The following PDE1C variants were observed in gnomAD, a reference collection of about 807,000 sequenced individuals.
PDE1C encodes the protein phosphodiesterase 1C, also known as dual specificity calcium/calmodulin-dependent 3',5'-cyclic nucleotide phosphodiesterase 1C.
In PDE1C, 62 loss-of-function variants were observed where a neutral mutation model predicts 93.1. That is an observed-to-expected ratio of 0.67 (90% confidence interval 0.54 to 0.82). PDE1C has a LOEUF of 0.82. PDE1C is among the 40% of genes least tolerant of loss of function. The probability of loss-of-function intolerance (pLI) is 0.00; values close to 1 mark genes in which losing one functional copy is unlikely to be tolerated. For missense variants in PDE1C, 742 were observed against 884.6 expected, an observed-to-expected ratio of 0.84 and a Z score of 2.04; for synonymous variants, 325 against 310.1, an observed-to-expected ratio of 1.05 and a Z score of -0.50.
At chr7:32,379,741 G>T (rs979974578) in intron 1 of PDE1C, among the ~76,000 whole-genome samples, 1 of 152,194 alleles carries the variant, frequency 6.6e-6, no homozygotes, top group Non-Finnish European at 1.5e-5. Flanking sequence ...GCCCTGTCTG[G>T]TTTCTGATAA....
rs574788241 is a variant in PDE1C at position 31,766,248 on chromosome 7, G to T, written c.1960+9416C>A. Among the ~76,000 whole-genome samples, 74 of 152,128 alleles carry T rather than the reference G, an allele frequency of 4.9e-4. 1 individual carries two copies. The highest frequency in any genetic ancestry group is 1.7e-3 in the African/African-American group (70 of 41,496). ...AAATACAAAAAATTAGCCGGGTGTG[G>T]TGGCGGGCGACTGTAGTCCCAGCTA... On this transcript the variant is annotated intron_variant, in intron 17 of 17. Transcript: ENST00000396191.
intron 2 of PDE1C, among the ~76,000 whole-genome samples, chr7:31,973,883 A>G (rs1339377778): frequency 6.6e-6 from 1 of 152,220 alleles, no homozygotes; most frequent in Non-Finnish European, 1.5e-5. Context: ...ACCAAAATTG[A>G]CAAGGTCCTT....
At chr7:31,865,907 G>T (rs1323253362) in intron 6 of PDE1C, among the ~76,000 whole-genome samples, 3 of 152,094 alleles carry the variant, frequency 2.0e-5, no homozygotes, top group Non-Finnish European at 4.4e-5. Flanking sequence ...TGCATAGTAT[G>T]TATTCATTTA....
intron 2 of PDE1C, among the ~76,000 whole-genome samples, chr7:31,988,022 G>T (rs113052512): frequency 3.3e-5 from 5 of 152,328 alleles, no homozygotes; most frequent in African/African-American, 1.2e-4. Flanking sequence ...AGTAGAAAGG[G>T]AAGGAAGTTA....
chr7:31,650,035 A>T, the PDE1C span, among the ~76,000 whole-genome samples: 11 of 152,110 alleles, frequency 7.2e-5, no homozygotes, highest in African/African-American at 2.7e-4. Context: ...CATTAGACCA[A>T]CTGTGTTTGT....
At chr7:31,833,744 G>T (rs1790717490) in intron 11 of PDE1C, among the ~76,000 whole-genome samples, 1 of 152,176 alleles carries the variant, frequency 6.6e-6, no homozygotes, top group Non-Finnish European at 1.5e-5. Flanking sequence ...TAACTTGGGT[G>T]CTGTTAAAAG....
At chr7:32,122,447 A>C (rs964679445) in intron 3 of PDE1C, among the ~76,000 whole-genome samples, 10 of 152,204 alleles carry the variant, frequency 6.6e-5, no homozygotes, top group African/African-American at 2.2e-4. Flanking sequence ...ACTTATTCTA[A>C]AATCAACCAC....
At chr7:32,020,266 T>C (rs1788465367) in intron 2 of PDE1C, among the ~76,000 whole-genome samples, 1 of 152,242 alleles carries the variant, frequency 6.6e-6, no homozygotes, top group South Asian at 2.1e-4. Context: ...AAAGGCTATA[T>C]GTCAAGGACT....
intron 2 of PDE1C, among the ~76,000 whole-genome samples, chr7:31,926,362 C>T (rs1336700211): frequency 6.6e-6 from 1 of 152,198 alleles, no homozygotes; most frequent in East Asian, 1.9e-4. Context: ...TCACCCAGAT[C>T]CTAGCACAAA....
At chr7:32,320,199 A>G (rs2128073163) in intron 1 of PDE1C, among the ~76,000 whole-genome samples, 1 of 152,338 alleles carries the variant, frequency 6.6e-6, no homozygotes, top group Non-Finnish European at 1.5e-5. Context: ...TATGTGCAGT[A>G]TATTTTTACA....
the PDE1C span, among the ~76,000 whole-genome samples, chr7:31,706,246 C>T: frequency 6.6e-6 from 1 of 151,820 alleles, no homozygotes; most frequent in Admixed American, 6.6e-5. Flanking sequence ...CTCAGGCAAT[C>T]CACCCACCTT....
chr7:32,214,555 T>C (rs1488411515), intron 1 of PDE1C, among the ~76,000 whole-genome samples: 3 of 152,206 alleles, frequency 2.0e-5, no homozygotes, highest in African/African-American at 7.2e-5. Flanking sequence ...TAATAAATGG[T>C]GCAACTCCGT....
At chr7:32,084,343 T>C (rs1226620315) in intron 3 of PDE1C, among the ~76,000 whole-genome samples, 2 of 150,450 alleles carry the variant, frequency 1.3e-5, no homozygotes, top group Admixed American at 1.3e-4. Flanking sequence ...AGCACCCAGA[T>C]TCATAAAGCA....
intron 1 of PDE1C, among the ~76,000 whole-genome samples, chr7:32,363,193 G>A (rs970507303): frequency 2.0e-5 from 3 of 152,148 alleles, no homozygotes; most frequent in Non-Finnish European, 2.9e-5. Context: ...TTGTGACCAC[G>A]GCAAAATCAG....
At chr7:31,707,083 A>T in the PDE1C span, 1 of 807,138 alleles carries the variant, frequency 1.2e-6, no homozygotes, top group Non-Finnish European at 1.9e-6. Flanking sequence ...GTTAGCAGGT[A>T]ACCTTGTAGA....
chr7:32,273,468 T>C (rs1811093171), intron 1 of PDE1C, among the ~76,000 whole-genome samples: 1 of 152,222 alleles, frequency 6.6e-6, no homozygotes, highest in Admixed American at 6.5e-5. Flanking sequence ...CATCCCACTA[T>C]TTCTTTAGCC....
chr7:31,729,039 G>A, the PDE1C span, among the ~76,000 whole-genome samples: 1 of 152,090 alleles, frequency 6.6e-6, no homozygotes, highest in South Asian at 2.1e-4. Context: ...ACCTTAGGCA[G>A]GTGTCTTTAC....
At chr7:31,969,147 A>T (rs983019828) in intron 2 of PDE1C, among the ~76,000 whole-genome samples, 1 of 152,194 alleles carries the variant, frequency 6.6e-6, no homozygotes, top group Non-Finnish European at 1.5e-5. Flanking sequence ...TGATTATACT[A>T]AAGAGCTTTG....
chr7:32,362,366 G>T (rs966592638), intron 1 of PDE1C, among the ~76,000 whole-genome samples: 10 of 152,054 alleles, frequency 6.6e-5, no homozygotes, highest in African/African-American at 2.4e-4. Context: ...ATGTTGCTTT[G>T]GATGCCTCAT....
Sources: gnomAD v4.1 joint callset for allele counts (sites outside exome capture counted in the v4.1 genomes callset) on GRCh38, gnomAD v4.1.1 for gene constraint, MANE v1.5 for transcripts, NCBI Gene and HGNC (gene_info 2026-07-23, HGNC 2026-07-21) for gene names.